Variants in ZFHX3 observed in about 807,000 individuals in gnomAD.
ZFHX3 encodes zinc finger homeobox protein 3.
Under a neutral mutation model 279.1 loss-of-function variants are expected in ZFHX3, and 42 were observed. The ratio of observed to expected loss-of-function variants is 0.15; its 90% CI spans 0.12 to 0.19. ZFHX3 has a LOEUF of 0.19. Ranked by LOEUF, ZFHX3 falls within the 10% of genes least tolerant of loss-of-function variation. ZFHX3 has a pLI of 1.00. For missense variants in ZFHX3, 4,981 were observed against 4,754.0 expected (o/e 1.05, Z -1.40); for synonymous variants, 2,293 against 1,957.8 (o/e 1.17, Z -4.52).
intron 3 of ZFHX3, among the ~76,000 whole-genome samples, chr16:72,937,671 C>T (rs1667519930): frequency 6.6e-6 from 1 of 152,258 alleles, no homozygotes; most frequent in Non-Finnish European, 1.5e-5. Flanking sequence ...CCCGCAGCTG[C>T]TCCCACGCCA....
At chr16:73,403,045 T>TGTGTGCATGTGTACAC (rs1279835621) in intron 3 of ZFHX3, among the ~76,000 whole-genome samples, 1 of 151,730 alleles carries the variant, frequency 6.6e-6, no homozygotes, top group African/African-American at 2.4e-5. Flanking sequence ...CACACACACG[T>TGTGTGCATGTGTACAC]GTGTGCATGT....
intron 1 of ZFHX3, among the ~76,000 whole-genome samples, chr16:73,036,031 T>C (rs1212209252): frequency 6.6e-6 from 1 of 152,274 alleles, no homozygotes; most frequent in African/African-American, 2.4e-5. Flanking sequence ...TTCTCCCTTT[T>C]AACTGCCCTT....
At chr16:73,553,353 T>A (rs2020229805) in intron 2 of ZFHX3, among the ~76,000 whole-genome samples, 1 of 152,172 alleles carries the variant, frequency 6.6e-6, no homozygotes, top group Non-Finnish European at 1.5e-5. Flanking sequence ...CACTAGGATA[T>A]TCTCTGAAAG....
intron 3 of ZFHX3, among the ~76,000 whole-genome samples, chr16:73,428,430 A>G (rs1364065): frequency 0.7 from 106,833 of 151,962 alleles, 39,393 homozygotes; most frequent in African/African-American, 0.92. Flanking sequence ...TCTTATTACC[A>G]CAGAAGAAAA....
intron 1 of ZFHX3, among the ~76,000 whole-genome samples, chr16:73,787,976 T>C (rs1959704234): frequency 6.6e-6 from 1 of 150,698 alleles, no homozygotes; most frequent in Non-Finnish European, 1.5e-5. Flanking sequence ...CTGAAGAGAG[T>C]TTAACAAAGG....
intron 2 of ZFHX3, among the ~76,000 whole-genome samples, chr16:73,641,261 A>C (rs1432835223): frequency 6.6e-6 from 1 of 152,196 alleles, no homozygotes; most frequent in East Asian, 1.9e-4. Context: ...AAAGCAATAA[A>C]AAAAACTTCA....
intron 2 of ZFHX3, among the ~76,000 whole-genome samples, chr16:73,616,118 G>T (rs562051821): frequency 1.3e-5 from 2 of 151,922 alleles, no homozygotes; most frequent in South Asian, 2.1e-4. Context: ...ACCACTCTGG[G>T]GCTCTCTGTT....
At chr16:73,758,827 C>G (rs2053836089) in intron 1 of ZFHX3, among the ~76,000 whole-genome samples, 1 of 152,212 alleles carries the variant, frequency 6.6e-6, no homozygotes. Context: ...ACTTTGAGTT[C>G]TATAGGAATG....
intron 1 of ZFHX3, among the ~76,000 whole-genome samples, chr16:73,837,453 A>G (rs1289859663): frequency 2.0e-5 from 3 of 152,176 alleles, no homozygotes; most frequent in African/African-American, 7.2e-5. Context: ...TGTTGTGGTA[A>G]AGAAACAAAC....
At chr16:72,882,732 G>C (rs187758862) in intron 4 of ZFHX3, among the ~76,000 whole-genome samples, 38 of 152,236 alleles carry the variant, frequency 2.5e-4, no homozygotes, top group African/African-American at 9.1e-4. Flanking sequence ...CAGAGAGCAA[G>C]CAGAAAAGTT....
intron 5 of ZFHX3, among the ~76,000 whole-genome samples, chr16:73,203,753 G>A (rs2011687621): frequency 6.6e-6 from 1 of 152,172 alleles, no homozygotes; most frequent in Admixed American, 6.5e-5. Flanking sequence ...GCAGTATATA[G>A]GCTGTACTAA....
In ZFHX3 at chr16:73,253,424, T is replaced by C. The variant is rs115411219; in HGVS notation, c.-1104+3623A>G. 3.7e-3 allele frequency among the ~76,000 whole-genome samples: 553 copies of C among 150,864 alleles called. 2 individuals are homozygous for C. The highest frequency in any genetic ancestry group is 0.013 in the African/African-American group (531 of 41,116). ...GGAGAACACACAAATGGTGCATCAG[T>C]TGGATTGGTTGTATGATTTTCTTTC... On this transcript the variant is annotated intron_variant, in intron 5 of 17. Transcript: ENST00000641206.
At chr16:73,269,332 C>T (rs940908335) in intron 4 of ZFHX3, among the ~76,000 whole-genome samples, 7 of 152,174 alleles carry the variant, frequency 4.6e-5, no homozygotes, top group Non-Finnish European at 1.0e-4. Flanking sequence ...GTCAGTTACC[C>T]TTCCCTGCCT....
chr16:73,773,913 G>T (rs920668160), intron 1 of ZFHX3, among the ~76,000 whole-genome samples: 15 of 152,088 alleles, frequency 9.9e-5, no homozygotes, highest in Admixed American at 9.2e-4. Flanking sequence ...TAAATTAAGA[G>T]GATCTCTTGA....
intron 1 of ZFHX3, among the ~76,000 whole-genome samples, chr16:73,758,214 G>C (rs2053830435): frequency 1.3e-5 from 2 of 149,994 alleles, no homozygotes; most frequent in Admixed American, 1.3e-4. Context: ...CTAATGGTGG[G>C]AACTGAAATG....
At chr16:73,218,828 T>C (rs1307308073) in intron 5 of ZFHX3, among the ~76,000 whole-genome samples, 4 of 152,156 alleles carry the variant, frequency 2.6e-5, no homozygotes, top group African/African-American at 9.7e-5. Flanking sequence ...TTATAATCAT[T>C]CTAAGCATAT....
chr16:73,357,693 T>C (rs1481672385), intron 3 of ZFHX3, among the ~76,000 whole-genome samples: 1 of 152,194 alleles, frequency 6.6e-6, no homozygotes, highest in Non-Finnish European at 1.5e-5. Flanking sequence ...AGGCTGTACC[T>C]GGCAGGAATT....
rs1966853630 is a variant in ZFHX3, at chr16:73,143,762, C to T, written c.-1034G>A. 1.0e-5 allele frequency: 13 copies of T among 1,305,604 alleles called. No individual in the cohort carries two copies. In the South Asian group the frequency reaches 1.1e-4, roughly 11 times the overall value. 80.9% of individuals were successfully genotyped at this position (1,305,604 alleles called of 1,614,324 possible). A position where few individuals can be genotyped will look rare whatever the true frequency, so the allele number is the denominator to read the frequency against. On this transcript the variant is annotated 5_prime_UTR_variant, in exon 6 of 18. Transcript: ENST00000641206. ...AAAGCTGGAACTCACCTCTCTAATT[C>T]CGGCAAAGCTGGACACCATCCAATA...
intron 2 of ZFHX3, among the ~76,000 whole-genome samples, chr16:73,526,820 T>G (rs968415637): frequency 1.3e-5 from 2 of 151,990 alleles, no homozygotes; most frequent in African/African-American, 4.8e-5. Context: ...GCAATAGCAG[T>G]GGACTTGCAG....
Sources: allele counts gnomAD v4.1 joint callset (sites outside exome capture counted in the v4.1 genomes callset), GRCh38; gene constraint gnomAD v4.1.1; transcripts MANE v1.5; gene names NCBI Gene and HGNC (gene_info 2026-07-23, HGNC 2026-07-21).